Variants in PAPSS2 observed in about 807,000 individuals in gnomAD.
PAPSS2 encodes the protein 3'-phosphoadenosine 5'-phosphosulfate synthase 2.
A neutral mutation model predicts 66.5 loss-of-function variants in PAPSS2; 61 were observed. The ratio of observed to expected loss-of-function variants is 0.92; its 90% CI spans 0.75 to 1.14. The LOEUF (loss-of-function observed/expected upper bound fraction) is 1.14. Among genes scored for constraint, PAPSS2 ranks in the 50% most tolerant of loss-of-function variants. The pLI is 0.00. For missense variants in PAPSS2, 708 were observed against 789.6 expected, an observed-to-expected ratio of 0.90 and a Z score of 1.24; for synonymous variants, 289 against 287.5, an observed-to-expected ratio of 1.01 and a Z score of -0.05.
At chr10:87,669,180 G>A (rs1191132446) in intron 1 of PAPSS2, among the ~76,000 whole-genome samples, 2 of 152,064 alleles carry the variant, frequency 1.3e-5, no homozygotes, top group South Asian at 2.1e-4. Flanking sequence ...TTCTCAAGTG[G>A]TTTAATTGTT....
chr10:87,672,694 G>C (rs1262488799), intron 1 of PAPSS2, among the ~76,000 whole-genome samples: 2 of 152,176 alleles, frequency 1.3e-5, no homozygotes. Flanking sequence ...TGAGGAAAGA[G>C]AAAGGTACAG....
intron 1 of PAPSS2, among the ~76,000 whole-genome samples, chr10:87,697,917 A>G (rs1288938062): frequency 6.6e-6 from 1 of 152,228 alleles, no homozygotes; most frequent in East Asian, 1.9e-4. Context: ...GCACAGTCCC[A>G]TGAGGAGAGG....
At chr10:87,736,935 C>G (rs571604481) in intron 9 of PAPSS2, among the ~76,000 whole-genome samples, 10 of 152,260 alleles carry the variant, frequency 6.6e-5, no homozygotes, top group African/African-American at 2.2e-4. Flanking sequence ...TGAGCTCTCT[C>G]CACAACCTCT....
chr10:87,712,990 A>G (rs1380946124), intron 2 of PAPSS2, 85 bp from the exon 3 acceptor site: 1 of 761,852 alleles, frequency 1.3e-6, no homozygotes. Context: ...AGATTTAGTT[A>G]TATTTAAAAT....
Position 87,718,784 on chromosome 10 carries a change from T to A in PAPSS2, c.865+2941T>A, listed in dbSNP as rs187924672. ...CTCTGTATTAACCTCAATTGAAGAC[T>A]GTCTAGGAGGTTGCTTTAGTTCCAC... On this transcript the variant is annotated intron_variant, in intron 7 of 12. Coordinates refer to ENST00000456849, the MANE Select transcript of PAPSS2 (RefSeq NM_001015880.2). Among the ~76,000 whole-genome samples, 525 of 152,326 alleles carry A rather than the reference T, an allele frequency of 3.4e-3. 2 individuals are homozygous for A. The highest frequency in any genetic ancestry group is 0.012 in the African/African-American group (488 of 41,564).
chr10:87,692,312 A>T (rs1171849404), intron 1 of PAPSS2, among the ~76,000 whole-genome samples: 2 of 152,170 alleles, frequency 1.3e-5, no homozygotes, highest in African/African-American at 2.4e-5. Context: ...ATATCTGAAG[A>T]TAGAGATTTG....
At chr10:87,725,812 C>G (rs187515419) in intron 8 of PAPSS2, among the ~76,000 whole-genome samples, 3 of 151,942 alleles carry the variant, frequency 2.0e-5, no homozygotes, top group East Asian at 3.9e-4. Flanking sequence ...CCTCTTGCCT[C>G]AGCCTCCTGA....
At chr10:87,717,432 G>T (rs1386131563) in intron 7 of PAPSS2, among the ~76,000 whole-genome samples, 1 of 152,182 alleles carries the variant, frequency 6.6e-6, no homozygotes, top group Non-Finnish European at 1.5e-5. Context: ...CTTAGCCTGA[G>T]ATCTAGGACT....
rs1853931978 is a variant in PAPSS2 at position 87,745,902 on chromosome 10, G to A, written c.1792G>A (p.Asp598Asn). 6.2e-7 allele frequency: 1 copy of A among 1,614,058 alleles called. No individual in the cohort carries two copies. Residue 598 changes from aspartate (D) to asparagine (N), a missense_variant, in exon 13 of 13, where the codon GAT (aspartate) becomes AAT (asparagine). Asp to Asn is a conservative substitution (Grantham distance 23). Transcript: ENST00000456849. ...CGCCCGGGAAGGAGAGAATCCCCCA[G>A]ATGGCTTCATGGCCCCCAAAGCATG... is the stretch of plus-strand genomic sequence containing the variant. ...KLAREGENPP[D>N]GFMAPKAWKV...
chr10:87,686,341 CAAAAAAAA>C (rs1211559805), intron 1 of PAPSS2, among the ~76,000 whole-genome samples: 3 of 58,214 alleles, frequency 5.2e-5, no homozygotes, highest in Admixed American at 4.0e-4. Context: ...GGCAACTTTC[CAAAAAAAA>C]AAAAAAAAAA....
At chr10:87,737,494 G>C (rs1156424986) in intron 9 of PAPSS2, among the ~76,000 whole-genome samples, 1 of 152,044 alleles carries the variant, frequency 6.6e-6, no homozygotes, top group Non-Finnish European at 1.5e-5. Context: ...CCAGAACTTT[G>C]TCATCTTGCA....
At chr10:87,736,239 G>GCCA (rs1411567766) in intron 9 of PAPSS2, among the ~76,000 whole-genome samples, 1 of 149,374 alleles carries the variant, frequency 6.7e-6, no homozygotes, top group Non-Finnish European at 1.5e-5. Flanking sequence ...AACAAAGGTT[G>GCCA]CCATGTTTTT....
In PAPSS2 at chr10:87,660,198, G is replaced by A. The variant is rs548744371; in HGVS notation, c.27+190G>A. 1.1e-4 allele frequency among the ~76,000 whole-genome samples: 16 copies of A among 152,218 alleles called. No homozygotes were observed. The East Asian group carries it at 2.3e-3, about 22-fold the overall frequency. ...GAATTCCCGGGGCAGTCCTCGCCCCGCAGCCCCTCTCCACCCCGCGACTCT... is the reference window on the plus strand; with the variant it reads ...GAATTCCCGGGGCAGTCCTCGCCCCACAGCCCCTCTCCACCCCGCGACTCT... On this transcript the variant is annotated intron_variant, in intron 1 of 12. Transcript: ENST00000456849.
chr10:87,671,872 T>C (rs1025315937), intron 1 of PAPSS2, among the ~76,000 whole-genome samples: 4 of 138,936 alleles, frequency 2.9e-5, no homozygotes, highest in Non-Finnish European at 6.0e-5. Flanking sequence ...TTGAACACTG[T>C]AATTGTGTGG....
chr10:87,739,934 A>T (rs11202533), intron 9 of PAPSS2, among the ~76,000 whole-genome samples: 2 of 152,316 alleles, frequency 1.3e-5, no homozygotes, highest in East Asian at 3.9e-4. Flanking sequence ...GTACACATTA[A>T]AGTACTTCTG....
At chr10:87,703,554 C>T (rs1180094474) in intron 1 of PAPSS2, among the ~76,000 whole-genome samples, 1 of 152,092 alleles carries the variant, frequency 6.6e-6, no homozygotes, top group East Asian at 1.9e-4. Context: ...TTATTTAATC[C>T]TTTCAGCAAT....
chr10:87,699,268 T>C (rs1278177802), intron 1 of PAPSS2, among the ~76,000 whole-genome samples: 1 of 152,232 alleles, frequency 6.6e-6, no homozygotes, highest in East Asian at 1.9e-4. Context: ...CTTAAATATT[T>C]GCTCTCAAGA....
chr10:87,689,468 C>T (rs894505470), intron 1 of PAPSS2, among the ~76,000 whole-genome samples: 16 of 151,394 alleles, frequency 1.1e-4, no homozygotes, highest in African/African-American at 3.6e-4. Flanking sequence ...GTCAGGAGTT[C>T]GAGACCAGCC....
intron 7 of PAPSS2, among the ~76,000 whole-genome samples, chr10:87,716,414 A>G (rs1211907624): frequency 6.6e-6 from 1 of 152,230 alleles, no homozygotes; most frequent in Non-Finnish European, 1.5e-5. Context: ...TGGAAAACCA[A>G]TCTGGTCAAG....
Sources: gnomAD v4.1 joint callset for allele counts (sites outside exome capture counted in the v4.1 genomes callset) on GRCh38, gnomAD v4.1.1 for gene constraint, MANE v1.5 for transcripts, NCBI Gene and HGNC (gene_info 2026-07-23, HGNC 2026-07-21) for gene names.